Variants in IFT74 observed in about 807,000 individuals in gnomAD.
IFT74 encodes intraflagellar transport protein 74 homolog.
A neutral mutation model predicts 96.7 loss-of-function variants in IFT74; 92 were observed. That is an observed-to-expected ratio of 0.95 (90% CI 0.80 to 1.13). IFT74 has a LOEUF of 1.13. Among genes scored for constraint, IFT74 ranks in the 50% most tolerant of loss-of-function variants. The pLI, the probability that IFT74 is intolerant of heterozygous loss-of-function variation, is 0.00. For missense variants in IFT74, 811 were observed against 698.2 expected (o/e 1.16, Z -1.82); for synonymous variants, 223 against 213.2 (o/e 1.05, Z -0.40).
chr9:27,053,161 CTTTTTTTTTTTTTTT>C (rs58085385), intron 16 of IFT74, among the ~76,000 whole-genome samples: 2 of 50,590 alleles, frequency 4.0e-5, no homozygotes, highest in African/African-American at 1.9e-4. Context: ...CGCGCCTGGC[CTTTTTTTTTTTTTTT>C]TTTTTTTTTT....
chr9:27,020,354 AT>A (rs1000712954), intron 12 of IFT74, among the ~76,000 whole-genome samples: 5 of 149,422 alleles, frequency 3.3e-5, no homozygotes, highest in South Asian at 2.1e-4. Flanking sequence ...TAAGAAACTA[AT>A]TTTTTTTTTC....
chr9:27,057,230 A>C (rs528924900), intron 18 of IFT74, among the ~76,000 whole-genome samples: 1 of 152,098 alleles, frequency 6.6e-6, no homozygotes, highest in African/African-American at 2.4e-5. Context: ...CATATCTCCA[A>C]TTATTTACAT....
chr9:27,036,600 GTCTC>G, intron 13 of IFT74: 1 of 1,571,220 alleles, frequency 6.4e-7, no homozygotes, highest in African/African-American at 1.4e-5. Context: ...CAGATCTTCA[GTCTC>G]TCTCTAGCAC....
chr9:27,056,303 TA>T, intron 17 of IFT74, 30 bp from the exon 18 acceptor site: 1 of 1,479,074 alleles, frequency 6.8e-7, no homozygotes, highest in Non-Finnish European at 9.2e-7. Flanking sequence ...ATATTTTCTA[TA>T]ACCTGTCACT....
At chr9:27,053,156 C>T (rs901089550) in intron 16 of IFT74, among the ~76,000 whole-genome samples, 1 of 143,568 alleles carries the variant, frequency 7.0e-6, no homozygotes, top group African/African-American at 2.6e-5. Flanking sequence ...AGCACCGCGC[C>T]TGGCCTTTTT....
chr9:26,965,293 G>T (rs1226991490), intron 2 of IFT74, among the ~76,000 whole-genome samples: 1 of 152,026 alleles, frequency 6.6e-6, no homozygotes, highest in Non-Finnish European at 1.5e-5. Context: ...AGGTGCAGAG[G>T]GCCAATACTC....
At position 27,033,094 on chromosome 9, in the gene IFT74, A is replaced by C. The variant is rs927785884; in HGVS notation, c.1054+3990A>C. On this transcript the variant is annotated intron_variant, in intron 13 of 19. Transcript: ENST00000380062. ...ATGTTTAGGCTTTTAGACTTTTAAT[A>C]CATTGATAAACATATTTTTAAATGG... Among the ~76,000 whole-genome samples, 9 of 152,326 alleles carry C rather than the reference A, an allele frequency of 5.9e-5. No homozygotes were observed. In the East Asian group the frequency reaches 1.7e-3, roughly 29 times the overall value.
chr9:26,992,715 G>C (rs1192811209), intron 8 of IFT74, among the ~76,000 whole-genome samples: 2 of 151,690 alleles, frequency 1.3e-5, no homozygotes, highest in African/African-American at 4.8e-5. Flanking sequence ...ATAACAAAAA[G>C]TATTGTTACG....
intron 12 of IFT74, among the ~76,000 whole-genome samples, chr9:27,019,976 A>ATTT (rs771476988): frequency 7.0e-6 from 1 of 143,048 alleles, no homozygotes; most frequent in African/African-American, 2.6e-5. Context: ...TTTTAATTTA[A>ATTT]TTTTTTTTTT....
At chr9:26,955,146 A>G (rs1311669840), upstream of IFT74, among the ~76,000 whole-genome samples, 1 of 152,188 alleles carries the variant, frequency 6.6e-6, no homozygotes, top group Admixed American at 6.5e-5. Context: ...ATGATATAAA[A>G]GCTGAAAATG....
chr9:27,064,740 C>G lies in IFT74; in HGVS notation c.*2004C>G, dbSNP rs1820556809. Among the ~76,000 whole-genome samples, 1 of 151,744 alleles carries G rather than the reference C, an allele frequency of 6.6e-6. No homozygotes were observed. The highest frequency in any genetic ancestry group is 6.6e-5 in the Admixed American group (1 of 15,238). On this transcript the variant is annotated 3_prime_UTR_variant, in exon 20 of 20. Coordinates refer to ENST00000380062, the MANE Select transcript of IFT74 (RefSeq NM_025103.4). Reference sequence around the variant, plus strand: ...CAAATTTAAATGCCTTTACTTTTTCCTTAGGTTTTTTTTTATGATTTCTAC... The same window carrying G: ...CAAATTTAAATGCCTTTACTTTTTCGTTAGGTTTTTTTTTATGATTTCTAC...
At chr9:26,995,846 T>C (rs1379546866) in intron 8 of IFT74, 5 of 1,598,360 alleles carry the variant, frequency 3.1e-6, no homozygotes, top group Non-Finnish European at 4.3e-6. Context: ...AAGAGGTTCA[T>C]GTTCTTTAAT....
At chr9:26,975,315 CA>C (rs1425296815) in intron 2 of IFT74, among the ~76,000 whole-genome samples, 1 of 151,908 alleles carries the variant, frequency 6.6e-6, no homozygotes, top group East Asian at 1.9e-4. Context: ...TTCTTGCCTC[CA>C]AAAAAGAGCA....
intron 2 of IFT74, among the ~76,000 whole-genome samples, chr9:26,970,725 C>T (rs954007461): frequency 6.6e-6 from 1 of 152,224 alleles, no homozygotes; most frequent in African/African-American, 2.4e-5. Context: ...AGTTGACAGT[C>T]TTCCTGTGTC....
intron 13 of IFT74, among the ~76,000 whole-genome samples, chr9:27,042,274 G>A (rs1587403975): frequency 6.6e-6 from 1 of 152,216 alleles, no homozygotes; most frequent in Admixed American, 6.5e-5. Flanking sequence ...CATGGATATA[G>A]CGTTAGAAGT....
intron 8 of IFT74, among the ~76,000 whole-genome samples, chr9:26,992,859 G>T (rs1827950295): frequency 6.6e-6 from 1 of 152,152 alleles, no homozygotes; most frequent in Admixed American, 6.6e-5. Flanking sequence ...CGAGAAGGCA[G>T]GTGTAAAAAG....
intron 17 of IFT74, 130 bp from the exon 18 acceptor site, chr9:27,056,204 G>A (rs1021722048): frequency 2.3e-5 from 15 of 653,942 alleles, no homozygotes; most frequent in South Asian, 1.3e-4. Flanking sequence ...TTTTACAAAC[G>A]GGTTTTAGAG....
intron 8 of IFT74, chr9:26,996,548 A>G: frequency 8.3e-7 from 1 of 1,206,800 alleles, no homozygotes; most frequent in Non-Finnish European, 1.1e-6. Flanking sequence ...AATAATAGTT[A>G]ACAACATTTT....
intron 2 of IFT74, among the ~76,000 whole-genome samples, chr9:26,974,984 A>G (rs181327649): frequency 8.3e-4 from 126 of 152,186 alleles, no homozygotes; most frequent in Non-Finnish European, 1.4e-3. Context: ...TCCTTTTTAC[A>G]TTGTTCTATC....
Sources: allele counts gnomAD v4.1 joint callset (sites outside exome capture counted in the v4.1 genomes callset), GRCh38; gene constraint gnomAD v4.1.1; transcripts MANE v1.5; gene names NCBI Gene and HGNC (gene_info 2026-07-23, HGNC 2026-07-21).